SAMD3: variants seen among roughly 807,000 people sequenced by gnomAD.
SAMD3 encodes sterile alpha motif domain-containing protein 3.
Under a neutral mutation model 58.5 loss-of-function variants are expected in SAMD3, and 63 were observed. The observed-to-expected ratio is 1.08, with a 90% CI of 0.88 to 1.33. The LOEUF (loss-of-function observed/expected upper bound fraction) is 1.33, where lower values mean the gene tolerates loss of function less well. Among genes scored for constraint, SAMD3 ranks in the 40% most tolerant of loss-of-function variants. The probability of loss-of-function intolerance (pLI) is 0.00; values close to 1 mark genes in which losing one functional copy is unlikely to be tolerated. For synonymous variants in SAMD3, 220 were observed against 210.3 expected (o/e 1.05, Z -0.40); for missense variants, 604 against 608.4 (o/e 0.99, Z 0.08).
intron 2 of SAMD3, among the ~76,000 whole-genome samples, chr6:130,281,383 G>A (rs1774975011): frequency 6.6e-6 from 1 of 152,154 alleles, no homozygotes; most frequent in Non-Finnish European, 1.5e-5. Flanking sequence ...GTGCACCACT[G>A]GGGATGTTAA....
intron 2 of SAMD3, among the ~76,000 whole-genome samples, chr6:130,266,165 T>C (rs1002702163): frequency 6.6e-6 from 1 of 152,114 alleles, no homozygotes; most frequent in African/African-American, 2.4e-5. Flanking sequence ...TGAGGAAAAG[T>C]TTATAAACGC....
chr6:130,243,642 G>C (rs1024172646), intron 2 of SAMD3, among the ~76,000 whole-genome samples: 1 of 152,066 alleles, frequency 6.6e-6, no homozygotes, highest in African/African-American at 2.4e-5. Flanking sequence ...AGTTCTTATC[G>C]AATTCTAGGC....
chr6:130,302,835 A>G (rs1342736920), intron 2 of SAMD3, among the ~76,000 whole-genome samples: 1 of 152,244 alleles, frequency 6.6e-6, no homozygotes, highest in Non-Finnish European at 1.5e-5. Context: ...AAAATCAAGT[A>G]CCACAAGTTA....
intron 2 of SAMD3, among the ~76,000 whole-genome samples, chr6:130,230,575 G>C (rs1484049775): frequency 6.6e-6 from 1 of 152,050 alleles, no homozygotes; most frequent in Non-Finnish European, 1.5e-5. Context: ...TTTTAGTAGA[G>C]ACAGGTTTCA....
In SAMD3 at chr6:130,184,518, C is replaced by T; in HGVS notation, c.489G>A (p.Gln163=). 1.2e-6 allele frequency: 2 copies of T among 1,614,206 alleles called. No homozygotes were observed. The highest frequency in any genetic ancestry group is 1.7e-6 in the Non-Finnish European group (2 of 1,180,018). ...TCCTCATGCTGTGATCCGGGCACTT[C>T]TGCTCTGCTAACATGCATTTGACAT... ...PYDVKCMLAE[Q]KCPDHSMRIR... Residue 163 remains glutamine, a synonymous_variant, in exon 6 of 12, where the codon CAG becomes CAA. Transcript: ENST00000439090.
intron 2 of SAMD3, among the ~76,000 whole-genome samples, chr6:130,307,720 A>G (rs1206524867): frequency 6.6e-6 from 1 of 152,228 alleles, no homozygotes; most frequent in Non-Finnish European, 1.5e-5. Context: ...AAGTTAGAAT[A>G]AGCTTTTAAA....
chr6:130,231,047 G>T (rs1796530751), intron 2 of SAMD3, among the ~76,000 whole-genome samples: 3 of 152,046 alleles, frequency 2.0e-5, no homozygotes, highest in African/African-American at 7.2e-5. Context: ...CTTAAAAATT[G>T]TGTGCATGGG....
intron 1 of SAMD3, among the ~76,000 whole-genome samples, chr6:130,325,318 C>T (rs1776721410): frequency 6.6e-6 from 1 of 152,166 alleles, no homozygotes; most frequent in Admixed American, 6.6e-5. Context: ...GACCTGCGAA[C>T]CTCGTGAGCT....
At chr6:130,174,388 C>T (rs13201711) in intron 8 of SAMD3, among the ~76,000 whole-genome samples, 14,433 of 152,228 alleles carry the variant, frequency 0.095, 1,095 homozygotes, top group African/African-American at 0.21. Flanking sequence ...AGCACAGTCC[C>T]TCATGGCTTC....
chr6:130,289,825 G>T (rs1039140063), intron 2 of SAMD3, among the ~76,000 whole-genome samples: 1 of 152,140 alleles, frequency 6.6e-6, no homozygotes, highest in African/African-American at 2.4e-5. Flanking sequence ...AAACCATGTA[G>T]TCAGAAGACC....
chr6:130,290,411 A>G (rs1189972488), intron 2 of SAMD3, among the ~76,000 whole-genome samples: 3 of 152,236 alleles, frequency 2.0e-5, no homozygotes, highest in Non-Finnish European at 4.4e-5. Context: ...TTGATTAATT[A>G]GATGAGGCTC....
intron 1 of SAMD3, among the ~76,000 whole-genome samples, chr6:130,356,744 T>C (rs987672575): frequency 6.6e-6 from 1 of 152,240 alleles, no homozygotes; most frequent in African/African-American, 2.4e-5. Flanking sequence ...GCTCATTGAA[T>C]TGAGCTCAAT....
At chr6:130,179,961 C>G (rs1411750601) in intron 7 of SAMD3, among the ~76,000 whole-genome samples, 11 of 151,804 alleles carry the variant, frequency 7.2e-5, no homozygotes, top group Non-Finnish European at 4.4e-5. Flanking sequence ...AATACAGTTA[C>G]CTGCCACCAT....
At chr6:130,333,324 C>A (rs1265327196) in intron 1 of SAMD3, among the ~76,000 whole-genome samples, 1 of 152,152 alleles carries the variant, frequency 6.6e-6, no homozygotes, top group African/African-American at 2.4e-5. Context: ...ACTCCCACCA[C>A]CCATTCAAGA....
At chr6:130,250,490 A>G (rs1415744929) in intron 2 of SAMD3, among the ~76,000 whole-genome samples, 1 of 152,170 alleles carries the variant, frequency 6.6e-6, no homozygotes, top group Non-Finnish European at 1.5e-5. Context: ...GATTTTTAGT[A>G]TATTTCCAGA....
At chr6:130,251,267 TTTTGGTTA>T (rs2114909528) in intron 2 of SAMD3, among the ~76,000 whole-genome samples, 1 of 152,316 alleles carries the variant, frequency 6.6e-6, no homozygotes, top group South Asian at 2.1e-4. Context: ...CCTTTTAAAA[TTTTGGTTA>T]TTTGTCTTAC....
In SAMD3 at chr6:130,144,703, G is replaced by A. The variant is rs749719704; in HGVS notation, c.1380C>T (p.Asp460=). ...YLERERLTKV[D]DCVTALAALV... ...GCGCAGCCAAGGCTGTAACACAGTC[G>A]TCCACCTTTGTGAGCCTCTCCCTTT... Residue 460 remains aspartate, a synonymous_variant, in exon 12 of 12, where the codon GAC becomes GAT. Coordinates refer to ENST00000439090, the MANE Select transcript of SAMD3 (RefSeq NM_001017373.4). 19 of 1,613,836 alleles carry A rather than the reference G, an allele frequency of 1.2e-5. No homozygotes were observed. The highest frequency in any genetic ancestry group is 5.3e-5 in the African/African-American group (4 of 74,904).
At chr6:130,332,835 T>C (rs1038359816) in intron 1 of SAMD3, among the ~76,000 whole-genome samples, 1 of 152,162 alleles carries the variant, frequency 6.6e-6, no homozygotes, top group Non-Finnish European at 1.5e-5. Context: ...CTATAGCACC[T>C]GCAAGCTGAT....
chr6:130,223,155 C>T (rs1416398662), upstream of SAMD3, among the ~76,000 whole-genome samples: 1 of 151,994 alleles, frequency 6.6e-6, no homozygotes, highest in Admixed American at 6.5e-5. Flanking sequence ...GAAGAAATAA[C>T]ACTAACTAGA....
Sources: allele counts gnomAD v4.1 joint callset (sites outside exome capture counted in the v4.1 genomes callset), GRCh38; gene constraint gnomAD v4.1.1; transcripts MANE v1.5; gene names NCBI Gene and HGNC (gene_info 2026-07-23, HGNC 2026-07-21).